IGF1: variants seen among roughly 807,000 people sequenced by gnomAD.
IGF1 encodes insulin-like growth factor 1.
A neutral mutation model predicts 13.8 loss-of-function variants in IGF1; 4 were observed. The observed-to-expected ratio is 0.29, with a 90% CI of 0.14 to 0.66. IGF1 has a LOEUF of 0.66. Among genes scored for constraint, IGF1 ranks in the 30% least tolerant of loss-of-function variants. IGF1 has a pLI of 0.78. For missense variants in IGF1, 124 were observed against 188.5 expected (o/e 0.66, Z 2.00); for synonymous variants, 76 against 72.6 (o/e 1.05, Z -0.23).
At chr12:102,409,220 A>C (rs192351828) in intron 3 of IGF1, among the ~76,000 whole-genome samples, 111 of 152,296 alleles carry the variant, frequency 7.3e-4, no homozygotes, top group Non-Finnish European at 1.3e-3. Context: ...AAAAACCTTG[A>C]ACCTAATTGT....
In IGF1 at chr12:102,417,867, C is replaced by G. The variant is rs2136993151; in HGVS notation, c.402+1642G>C. On this transcript the variant is annotated intron_variant, in intron 3 of 3. Coordinates refer to ENST00000337514, the MANE Select transcript of IGF1 (RefSeq NM_000618.5). ...TTCAGCATTTCTACTTCCAATCTCC[C>G]TCCTCTGCTCTTTCTTCTTTCCTCT... 3.7e-6 allele frequency: 6 copies of G among 1,613,934 alleles called. No individual in the cohort carries two copies. In the East Asian group the frequency reaches 1.3e-4, roughly 36 times the overall value.
chr12:102,454,519 G>A (rs1412649075), intron 2 of IGF1, among the ~76,000 whole-genome samples: 3 of 152,216 alleles, frequency 2.0e-5, no homozygotes, highest in Non-Finnish European at 4.4e-5. Flanking sequence ...ACCTGCATGT[G>A]CCAATGTTTG....
At chr12:102,439,920 C>T (rs1451584732) in intron 2 of IGF1, among the ~76,000 whole-genome samples, 5 of 152,100 alleles carry the variant, frequency 3.3e-5, no homozygotes, top group Admixed American at 2.0e-4. Flanking sequence ...ACTTAAACAT[C>T]GGGAAGAATT....
chr12:102,468,087 C>T (rs941446516), intron 2 of IGF1, among the ~76,000 whole-genome samples: 1 of 152,192 alleles, frequency 6.6e-6, no homozygotes, highest in Non-Finnish European at 1.5e-5. Flanking sequence ...GGAGAGATTA[C>T]AGAGATGTAT....
At position 102,441,915 on chromosome 12, in the gene IGF1, C is replaced by CCCTCTTCTTCTTCTTCTTCTTCTTCTT. The variant is rs1877797121; in HGVS notation, c.221-22226_221-22225insAAGAAGAAGAAGAAGAAGAAGAAGAGG. On this transcript the variant is annotated intron_variant, in intron 2 of 3. Coordinates refer to ENST00000337514, the MANE Select transcript of IGF1 (RefSeq NM_000618.5). ...GTCATTCTATTACACTGCTTCTTCT[C>CCCTCTTCTTCTTCTTCTTCTTCTTCTT]CTTCTTCTTCTTCTTCTTCTTCTTC... is the stretch of plus-strand genomic sequence containing the variant. 2.3e-4 allele frequency among the ~76,000 whole-genome samples: 28 copies of CCCTCTTCTTCTTCTTCTTCTTCTTCTT among 122,178 alleles called. 1 individual carries two copies. The highest frequency in any genetic ancestry group is 8.0e-4 in the African/African-American group (26 of 32,504). The allele number at this position is 122,178 out of a possible 152,430, so 80.2% of individuals were successfully genotyped here.
intron 2 of IGF1, among the ~76,000 whole-genome samples, chr12:102,461,412 C>A (rs1431614244): frequency 6.6e-6 from 1 of 152,046 alleles, no homozygotes; most frequent in African/African-American, 2.4e-5. Flanking sequence ...TACCTTAAAA[C>A]CATTTCTCTA....
At chr12:102,414,816 C>A (rs1874946022) in intron 3 of IGF1, among the ~76,000 whole-genome samples, 1 of 152,190 alleles carries the variant, frequency 6.6e-6, no homozygotes, top group Non-Finnish European at 1.5e-5. Context: ...ATAACAAATA[C>A]TTTTCACCAA....
intron 2 of IGF1, among the ~76,000 whole-genome samples, chr12:102,421,386 G>T (rs985990939): frequency 1.3e-5 from 2 of 151,990 alleles, no homozygotes; most frequent in African/African-American, 4.8e-5. Flanking sequence ...TCTTTTCCTG[G>T]AACTATAAAT....
intron 2 of IGF1, 40 bp downstream of exon 2, chr12:102,475,602 CT>C: frequency 1.9e-6 from 3 of 1,610,782 alleles, no homozygotes; most frequent in South Asian, 2.2e-5. Flanking sequence ...GAGCTGTACA[CT>C]TTAGACTTGA....
intron 2 of IGF1, among the ~76,000 whole-genome samples, chr12:102,422,062 C>T (rs181589210): frequency 1.3e-5 from 2 of 152,232 alleles, no homozygotes; most frequent in Admixed American, 6.5e-5. Flanking sequence ...TGGTTTATCA[C>T]CTTGCTTAAA....
rs539353874 is a variant in IGF1 at position 102,469,744 on chromosome 12, G to A, written c.220+5899C>T. On this transcript the variant is annotated intron_variant, in intron 2 of 3. Transcript: ENST00000337514. ...CTTGGAGGCAAGAGAACCTAGCTTT[G>A]TTTCTGGAACCATTCAGTGGGGTAA... Among the ~76,000 whole-genome samples the A allele has an allele frequency of 2.6e-5, 4 of 152,168 alleles. No homozygotes were observed. The South Asian group carries it at 8.3e-4, about 32-fold the overall frequency.
rs1873686641 is a variant in IGF1 at position 102,401,614 on chromosome 12, A to G, written c.*893T>C. 1 of 152,632 alleles carries G rather than the reference A, an allele frequency of 6.6e-6. No individual in the cohort carries two copies. The highest frequency in any genetic ancestry group is 6.5e-5 in the Admixed American group (1 of 15,270). 9.5% of individuals were successfully genotyped at this position (152,632 alleles called of 1,614,324 possible). On this transcript the variant is annotated 3_prime_UTR_variant, in exon 4 of 4. Coordinates refer to ENST00000337514, the MANE Select transcript of IGF1 (RefSeq NM_000618.5). ...AACTACAAAATAGCACCATTATACT[A>G]AAAAACAGAGTTTTACATACTGTTT...
At chr12:102,413,752 G>A (rs188837827) in intron 3 of IGF1, among the ~76,000 whole-genome samples, 13 of 152,244 alleles carry the variant, frequency 8.5e-5, no homozygotes, top group South Asian at 2.1e-4. Context: ...ATGAAAGCAC[G>A]TATTACACTT....
At chr12:102,437,271 C>G (rs1006004240) in intron 2 of IGF1, among the ~76,000 whole-genome samples, 6 of 152,220 alleles carry the variant, frequency 3.9e-5, no homozygotes, top group African/African-American at 1.2e-4. Context: ...TGCAGAGGAA[C>G]CTGGCACAGG....
chr12:102,475,604 T>G (rs1487326820), intron 2 of IGF1, 39 bp downstream of exon 2: 34 of 1,611,760 alleles, frequency 2.1e-5, no homozygotes, highest in Non-Finnish European at 2.9e-5. Flanking sequence ...GCTGTACACT[T>G]TAGACTTGAG....
chr12:102,446,972 T>G (rs1878396085), intron 2 of IGF1, among the ~76,000 whole-genome samples: 1 of 152,168 alleles, frequency 6.6e-6, no homozygotes, highest in Non-Finnish European at 1.5e-5. Flanking sequence ...CTGCCTTAAT[T>G]TTGTTATTTA....
chr12:102,423,005 GA>G, intron 2 of IGF1: 1 of 152,258 alleles, frequency 6.6e-6, no homozygotes, highest in East Asian at 1.9e-4. Flanking sequence ...ACATCTGTCA[GA>G]GATCCTAGCA....
At chr12:102,420,240 T>G (rs1377734751) in intron 2 of IGF1, among the ~76,000 whole-genome samples, 1 of 152,200 alleles carries the variant, frequency 6.6e-6, no homozygotes, top group African/African-American at 2.4e-5. Context: ...AGGTCATTCA[T>G]GCAGTAAGTC....
chr12:102,409,102 G>A (rs1874414937), intron 3 of IGF1, among the ~76,000 whole-genome samples: 1 of 152,202 alleles, frequency 6.6e-6, no homozygotes, highest in African/African-American at 2.4e-5. Context: ...AAATGAAAGT[G>A]TGGGGTAAGA....
Sources: gnomAD v4.1 joint callset for allele counts (sites outside exome capture counted in the v4.1 genomes callset) on GRCh38, gnomAD v4.1.1 for gene constraint, MANE v1.5 for transcripts, NCBI Gene and HGNC (gene_info 2026-07-23, HGNC 2026-07-21) for gene names.